DMC1: variants seen among roughly 807,000 people sequenced by gnomAD.
DMC1 encodes DNA meiotic recombinase 1, also known as meiotic recombination protein DMC1 homolog.
A neutral mutation model predicts 50.1 loss-of-function variants in DMC1; 27 were observed. That is an observed-to-expected ratio of 0.54 (90% CI 0.40 to 0.74). The LOEUF is 0.74. Ranked by LOEUF, DMC1 falls within the 30% of genes least tolerant of loss-of-function variation. The pLI is 0.00. For missense variants in DMC1, 295 were observed against 420.2 expected (o/e 0.70, Z 2.60); for synonymous variants, 148 against 136.1 (o/e 1.09, Z -0.61).
chr22:38,552,578 T>C, intron 7 of DMC1, 88 bp downstream of exon 7: 1 of 983,050 alleles, frequency 1.0e-6, no homozygotes, highest in Admixed American at 1.8e-5. Context: ...TGTTCAGATA[T>C]GAGATTATTT....
chr22:38,554,825 C>T (rs2090451751), intron 6 of DMC1, among the ~76,000 whole-genome samples: 1 of 151,530 alleles, frequency 6.6e-6, no homozygotes, highest in Non-Finnish European at 1.5e-5. Context: ...ATCAGCTGGG[C>T]GCAGTGGCTC....
chr22:38,535,360 A>G (rs1401417971), intron 12 of DMC1, among the ~76,000 whole-genome samples: 1 of 152,110 alleles, frequency 6.6e-6, no homozygotes, highest in Non-Finnish European at 1.5e-5. Flanking sequence ...ACATACATAT[A>G]CATATGAGAA....
chr22:38,559,354 A>C (rs1362353039), intron 5 of DMC1, among the ~76,000 whole-genome samples: 1 of 151,494 alleles, frequency 6.6e-6, no homozygotes, highest in African/African-American at 2.4e-5. Flanking sequence ...TTTTTAGTAG[A>C]GACAGGGTTT....
intron 11 of DMC1, among the ~76,000 whole-genome samples, chr22:38,537,969 C>T (rs919376714): frequency 6.6e-6 from 1 of 151,922 alleles, no homozygotes; most frequent in Non-Finnish European, 1.5e-5. Context: ...ATGGTGAAAC[C>T]CCGTCTCTAC....
At chr22:38,555,842 T>A (rs11570399) in intron 5 of DMC1, among the ~76,000 whole-genome samples, 1,526 of 151,906 alleles carry the variant, frequency 0.01, 27 homozygotes, top group African/African-American at 0.035. Context: ...TATTATTTTT[T>A]TTTTTTCGAG....
intron 12 of DMC1, among the ~76,000 whole-genome samples, chr22:38,521,946 A>G (rs1352133969): frequency 6.6e-6 from 1 of 150,916 alleles, no homozygotes; most frequent in African/African-American, 2.4e-5. Flanking sequence ...TAAATAGTTT[A>G]TATTTTGTTT....
chr22:38,559,419 T>G (rs111923311), intron 5 of DMC1, among the ~76,000 whole-genome samples: 16 of 152,266 alleles, frequency 1.1e-4, no homozygotes, highest in African/African-American at 3.6e-4. Context: ...TCCACCCATC[T>G]TGGCCTCCCG....
At chr22:38,538,150 C>CA (rs368087728) in intron 11 of DMC1, 145 bp downstream of exon 11, 12,594 of 579,320 alleles carry the variant, frequency 0.022, 1 homozygote, top group East Asian at 0.028. Context: ...TCTCAAAAAA[C>CA]AAAAAAAAAA....
chr22:38,533,173 A>G (rs2090171943), intron 12 of DMC1, among the ~76,000 whole-genome samples: 1 of 151,872 alleles, frequency 6.6e-6, no homozygotes. Flanking sequence ...CAGATGGATC[A>G]CGAGGTCAGG....
intron 4 of DMC1, among the ~76,000 whole-genome samples, chr22:38,563,244 G>A (rs1177522643): frequency 6.6e-6 from 1 of 152,140 alleles, no homozygotes; most frequent in African/African-American, 2.4e-5. Flanking sequence ...CTTATTGACT[G>A]ATTAAAAAGG....
chr22:38,552,837 T>C, intron 6 of DMC1, 130 bp from the exon 7 acceptor site: 1 of 683,642 alleles, frequency 1.5e-6, no homozygotes, highest in Middle Eastern at 3.8e-4. Context: ...ACTTATAAAG[T>C]ATCTCGGATG....
intron 1 of DMC1, chr22:38,568,505 A>T: frequency 1.8e-6 from 1 of 544,602 alleles, no homozygotes; most frequent in Admixed American, 3.2e-5. Flanking sequence ...ATGCACACAG[A>T]TGCCTGAGGG....
chr22:38,566,767 G>A lies in DMC1; in HGVS notation c.97-31C>T, dbSNP rs771957580. ...AATTAAAGAATGGGCACAGCAGACT[G>A]ATAAGATGCCAGCCTGCAAGGCTCC... On this transcript the variant is annotated intron_variant, in intron 3 of 13. Transcript: ENST00000216024. The A allele has an allele frequency of 6.5e-5, 105 of 1,609,872 alleles. 1 individual carries two copies. Among genetic ancestry groups the A allele is most frequent in the Non-Finnish European group, 8.2e-5 (97 of 1,177,234 alleles).
chr22:38,521,576 C>CACACACAA (rs2090026304), intron 13 of DMC1, 32 bp downstream of exon 13: 1 of 1,294,072 alleles, frequency 7.7e-7, no homozygotes, highest in African/African-American at 1.6e-5. Flanking sequence ...CACACACACA[C>CACACACAA]ACACACACAC....
chr22:38,554,619 C>G (rs767901069), intron 6 of DMC1, among the ~76,000 whole-genome samples: 1 of 150,788 alleles, frequency 6.6e-6, no homozygotes, highest in African/African-American at 2.4e-5. Flanking sequence ...GGGAGGATTG[C>G]TTGAGTCCAG....
chr22:38,540,672 A>C (rs921709914), intron 8 of DMC1, among the ~76,000 whole-genome samples: 2 of 152,198 alleles, frequency 1.3e-5, no homozygotes, highest in African/African-American at 4.8e-5. Context: ...TTTATATCCT[A>C]ATGCACTAGA....
At chr22:38,565,733 G>C (rs2090574672) in intron 4 of DMC1, among the ~76,000 whole-genome samples, 1 of 152,188 alleles carries the variant, frequency 6.6e-6, no homozygotes, top group South Asian at 2.1e-4. Flanking sequence ...CATCAGTATG[G>C]GTTAGCTTAG....
chr22:38,513,323 C>A, the DMC1 span, among the ~76,000 whole-genome samples: 23 of 152,322 alleles, frequency 1.5e-4, no homozygotes, highest in African/African-American at 4.1e-4. Flanking sequence ...GTGACTGTCA[C>A]TTCATATTCA....
intron 12 of DMC1, among the ~76,000 whole-genome samples, chr22:38,525,058 T>C (rs1417315549): frequency 6.6e-6 from 1 of 152,016 alleles, no homozygotes; most frequent in African/African-American, 2.4e-5. Flanking sequence ...CCAGACTACG[T>C]CTCAAAATAA....
Sources: gnomAD v4.1 joint callset for allele counts (sites outside exome capture counted in the v4.1 genomes callset) on GRCh38, gnomAD v4.1.1 for gene constraint, MANE v1.5 for transcripts, NCBI Gene and HGNC (gene_info 2026-07-23, HGNC 2026-07-21) for gene names.